ICA1L: variants seen among roughly 807,000 people sequenced by gnomAD.
ICA1L encodes islet cell autoantigen 1-like protein.
A neutral mutation model predicts 61.3 loss-of-function variants in ICA1L; 50 were observed. The observed-to-expected ratio is 0.82, with a 90% CI of 0.65 to 1.03. The LOEUF is 1.03. ICA1L is among the 50% of genes least tolerant of loss of function. The pLI is 0.00. For synonymous variants in ICA1L, 161 were observed against 191.3 expected, an observed-to-expected ratio of 0.84 and a Z score of 1.31; for missense variants, 508 against 556.7, an observed-to-expected ratio of 0.91 and a Z score of 0.88.
chr2:202,811,715 C>T (rs768426918), intron 9 of ICA1L, 31 bp downstream of exon 9: 1 of 1,386,756 alleles, frequency 7.2e-7, no homozygotes, highest in Non-Finnish European at 1.0e-6. Context: ...TAAAATGTGA[C>T]CATTTCAAAG....
At chr2:202,817,373 C>T in intron 6 of ICA1L, 45 bp downstream of exon 6, 3 of 1,485,072 alleles carry the variant, frequency 2.0e-6, no homozygotes, top group Non-Finnish European at 2.7e-6. Context: ...GAAATCTCAC[C>T]ACTCATCTTT....
chr2:202,798,574 A>G (rs549337410), intron 9 of ICA1L, among the ~76,000 whole-genome samples: 18 of 152,258 alleles, frequency 1.2e-4, no homozygotes, highest in Admixed American at 6.5e-4. Context: ...ATTTGTACAT[A>G]TTTGTGGGGC....
At chr2:202,797,671 GC>G (rs1300578319) in intron 9 of ICA1L, among the ~76,000 whole-genome samples, 2 of 151,932 alleles carry the variant, frequency 1.3e-5, no homozygotes, top group Non-Finnish European at 2.9e-5. Flanking sequence ...ACAGGCATGC[GC>G]CACCACACCT....
At chr2:202,845,341 T>C (rs1694437204) in intron 1 of ICA1L, among the ~76,000 whole-genome samples, 1 of 152,124 alleles carries the variant, frequency 6.6e-6, no homozygotes, top group South Asian at 2.1e-4. Flanking sequence ...TAAAAGATAC[T>C]TGAGGCCCGG....
chr2:202,780,427 T>C (rs1016875488), intron 12 of ICA1L, among the ~76,000 whole-genome samples: 2 of 152,226 alleles, frequency 1.3e-5, no homozygotes, highest in Non-Finnish European at 2.9e-5. Context: ...TTTCTCAAGA[T>C]TCTACAAGTT....
At chr2:202,814,319 C>CGAGAGA (rs1693469318) in intron 8 of ICA1L, among the ~76,000 whole-genome samples, 1 of 152,020 alleles carries the variant, frequency 6.6e-6, no homozygotes, top group Non-Finnish European at 1.5e-5. Context: ...TGGATTAGTT[C>CGAGAGA]TCTCAGGAAT....
At chr2:202,830,457 G>T (rs1408184983) in intron 1 of ICA1L, among the ~76,000 whole-genome samples, 3 of 152,080 alleles carry the variant, frequency 2.0e-5, no homozygotes, top group Non-Finnish European at 4.4e-5. Flanking sequence ...TCTTAACAAG[G>T]TTAACATGGC....
chr2:202,811,303 G>A (rs1456635456), intron 9 of ICA1L, among the ~76,000 whole-genome samples: 2 of 151,992 alleles, frequency 1.3e-5, no homozygotes, highest in African/African-American at 2.4e-5. Flanking sequence ...GTGAAATATC[G>A]GGGGTGAATT....
chr2:202,796,072 T>TG (rs2105828992), intron 10 of ICA1L, among the ~76,000 whole-genome samples: 2 of 133,744 alleles, frequency 1.5e-5, no homozygotes, highest in Admixed American at 7.7e-5. Flanking sequence ...GGATAGCCTT[T>TG]GGGGGAAAAA....
At chr2:202,827,121 C>T (rs773197041) in intron 2 of ICA1L, among the ~76,000 whole-genome samples, 48 of 152,102 alleles carry the variant, frequency 3.2e-4, no homozygotes, top group African/African-American at 7.7e-4. Flanking sequence ...AGGCTGGGCG[C>T]GGTGGCTCAT....
intron 1 of ICA1L, among the ~76,000 whole-genome samples, chr2:202,854,987 A>G (rs978009262): frequency 2.0e-5 from 3 of 152,160 alleles, no homozygotes; most frequent in South Asian, 2.1e-4. Context: ...CAAACAAAAA[A>G]AGAAACTCAC....
intron 8 of ICA1L, among the ~76,000 whole-genome samples, chr2:202,813,847 A>G (rs915288524): frequency 6.6e-6 from 1 of 152,230 alleles, no homozygotes; most frequent in Non-Finnish European, 1.5e-5. Flanking sequence ...AACCAGTCCC[A>G]GTCCTATGTG....
chr2:202,819,893 G>C lies in ICA1L; in HGVS notation c.366C>G (p.Ala122=), dbSNP rs766906315. The change falls in exon 5 of 13, where the codon GCC becomes GCG. Residue 122 remains alanine, a synonymous_variant. Transcript: ENST00000358299. ...TCAGACGAGACAGAGGAGTACACAG[G>C]GCCAATCTAATGGCAGAGAGGTAAA... ...ALCSSAKQRL[A]LCTPLSRLKQ... 13 of 1,613,332 alleles carry C rather than the reference G, an allele frequency of 8.1e-6. No individual in the cohort carries two copies. Among genetic ancestry groups the C allele is most frequent in the Non-Finnish European group, 1.1e-5 (13 of 1,179,494 alleles).
At chr2:202,818,211 T>G (rs1036084194) in intron 5 of ICA1L, among the ~76,000 whole-genome samples, 1 of 151,880 alleles carries the variant, frequency 6.6e-6, no homozygotes, top group Non-Finnish European at 1.5e-5. Context: ...TAAACAGAAA[T>G]GAGTGAAGGA....
chr2:202,849,190 G>A lies in ICA1L; in HGVS notation c.-7-20174C>T, dbSNP rs533736699. Among the ~76,000 whole-genome samples, 3 of 152,244 alleles carry A rather than the reference G, an allele frequency of 2.0e-5. No individual in the cohort carries two copies. Among genetic ancestry groups the A allele is most frequent in the South Asian group, 4.1e-4 (2 of 4,824 alleles). ...GGCCCTGGGTTTCAAGCACAAAACCGGGTGGCTGTTTGGGCAGACACCGAG... is the reference window on the plus strand; with the variant it reads ...GGCCCTGGGTTTCAAGCACAAAACCAGGTGGCTGTTTGGGCAGACACCGAG... On this transcript the variant is annotated intron_variant, in intron 1 of 12. Coordinates refer to ENST00000358299, the MANE Select transcript of ICA1L (RefSeq NM_001288622.3). The surrounding 1 kb of genome is among the most constrained non-coding windows in gnomAD (Gnocchi z 4.5).
intron 3 of ICA1L, chr2:202,821,847 T>C (rs1693710773): frequency 6.4e-6 from 1 of 155,148 alleles, no homozygotes; most frequent in Non-Finnish European, 1.4e-5. Flanking sequence ...TCTTACAAAG[T>C]ATTTGTTCCC....
rs1323941828 is a variant in ICA1L, at chr2:202,849,101, T to C, written c.-7-20085A>G. 6.6e-6 allele frequency among the ~76,000 whole-genome samples: 1 copy of C among 152,122 alleles called. No homozygotes were observed. Among genetic ancestry groups the C allele is most frequent in the African/African-American group, 2.4e-5 (1 of 41,418 alleles). On this transcript the variant is annotated intron_variant, in intron 1 of 12. Transcript: ENST00000358299. This position sits in a 1 kb window ranked among gnomAD's most constrained non-coding sequence, Gnocchi z 4.5. ...ACTGTGCTGTCTGGCCCAGATACTA[T>C]GCTTTTCTCACAGTTTTTGCAATCC... is the stretch of plus-strand genomic sequence containing the variant.
At chr2:202,834,278 T>C (rs1028489986) in intron 1 of ICA1L, among the ~76,000 whole-genome samples, 4 of 152,216 alleles carry the variant, frequency 2.6e-5, no homozygotes, top group Admixed American at 2.6e-4. Flanking sequence ...TTGTTAAATG[T>C]CCTGGTAAAT....
chr2:202,815,952 C>T lies in ICA1L; in HGVS notation c.742G>A (p.Ala248Thr). The T allele has an allele frequency of 6.2e-7, 1 of 1,604,652 alleles. No homozygotes were observed. Among genetic ancestry groups the T allele is most frequent in the Non-Finnish European group, 8.5e-7 (1 of 1,176,322 alleles). Reference protein sequence around the residue: ...TARMMSQIHEACIGFHPYDFV... With the variant: ...TARMMSQIHETCIGFHPYDFV... Reference sequence around the variant, plus strand: ...TCATACGGATGAAAGCCAATACAGGCTTCATGAATTTGGGACATCATTCGA... The same window carrying T: ...TCATACGGATGAAAGCCAATACAGGTTTCATGAATTTGGGACATCATTCGA... The change falls in exon 7 of 13, where the codon GCC becomes ACC. Residue 248 changes from alanine to threonine, a missense_variant. Ala to Thr is a moderately conservative substitution (Grantham distance 58). Coordinates refer to ENST00000358299, the MANE Select transcript of ICA1L (RefSeq NM_001288622.3).
Sources: gnomAD v4.1 joint callset for allele counts (sites outside exome capture counted in the v4.1 genomes callset) on GRCh38, gnomAD v4.1.1 for gene constraint, Gnocchi (gnomAD v3.1) non-coding constraint, MANE v1.5 for transcripts, NCBI Gene and HGNC (gene_info 2026-07-23, HGNC 2026-07-21) for gene names.